The following TBC1D31 variants were observed in gnomAD, a reference collection of about 807,000 sequenced individuals.
TBC1D31 encodes the protein WD repeat domain 67.
A neutral mutation model predicts 132.9 loss-of-function variants in TBC1D31; 99 were observed. The ratio of observed to expected loss-of-function variants is 0.74; its 90% CI spans 0.63 to 0.88. TBC1D31 has a LOEUF of 0.88. Ranked by LOEUF, TBC1D31 falls within the 40% of genes least tolerant of loss-of-function variation. The probability of loss-of-function intolerance (pLI) is 0.00; values close to 1 mark genes in which losing one functional copy is unlikely to be tolerated. For synonymous variants in TBC1D31, 385 were observed against 419.4 expected, an observed-to-expected ratio of 0.92 and a Z score of 1.00; for missense variants, 1,134 against 1,256.6, an observed-to-expected ratio of 0.90 and a Z score of 1.48.
At chr8:123,086,230 T>C (rs1815729901) in intron 4 of TBC1D31, among the ~76,000 whole-genome samples, 1 of 152,100 alleles carries the variant, frequency 6.6e-6, no homozygotes. Context: ...CTTCCCATTC[T>C]CTCCACCTAG....
At chr8:123,105,713 GAGAA>G in intron 8 of TBC1D31, among the ~76,000 whole-genome samples, 1 of 152,232 alleles carries the variant, frequency 6.6e-6, no homozygotes, top group Middle Eastern at 3.4e-3. Context: ...TGGCAGCTTT[GAGAA>G]AGAAAGAAAA....
At chr8:123,092,824 T>A (rs1816467146) in intron 4 of TBC1D31, among the ~76,000 whole-genome samples, 1 of 147,428 alleles carries the variant, frequency 6.8e-6, no homozygotes, top group South Asian at 2.2e-4. Flanking sequence ...TTTTTTTTTT[T>A]TTTTTGAGAC....
chr8:123,157,531 G>C, the TBC1D31 span, among the ~76,000 whole-genome samples: 1 of 152,180 alleles, frequency 6.6e-6, no homozygotes, highest in South Asian at 2.1e-4. Flanking sequence ...TCCTCCTATT[G>C]TTGTGAACCG....
intron 8 of TBC1D31, among the ~76,000 whole-genome samples, chr8:123,107,952 A>G (rs1442529862): frequency 6.6e-6 from 1 of 152,182 alleles, no homozygotes; most frequent in Non-Finnish European, 1.5e-5. Context: ...TCTTTGTTTA[A>G]AAAGAAGCTT....
In TBC1D31 at chr8:123,076,975, T is replaced by A. The variant is rs1453656753; in HGVS notation, c.78-136T>A. ...TTTCTGAAATCCTGGTAAGATTGAT[T>A]CTAGAGGAGCGGGGGTATAGCGGTA... is the stretch of plus-strand genomic sequence containing the variant. On this transcript the variant is annotated intron_variant, in intron 1 of 21. Coordinates refer to ENST00000287380, the MANE Select transcript of TBC1D31 (RefSeq NM_145647.4). 14 of 725,314 alleles carry A rather than the reference T, an allele frequency of 1.9e-5. No individual in the cohort carries two copies. In the East Asian group the frequency reaches 4.1e-4, roughly 21 times the overall value. 44.9% of individuals were successfully genotyped at this position (725,314 alleles called of 1,614,324 possible).
intron 17 of TBC1D31, among the ~76,000 whole-genome samples, chr8:123,135,196 G>T (rs994699262): frequency 6.6e-6 from 1 of 152,136 alleles, no homozygotes; most frequent in Non-Finnish European, 1.5e-5. Flanking sequence ...CACCACGCCT[G>T]GCCTGTAAAG....
intron 18 of TBC1D31, among the ~76,000 whole-genome samples, chr8:123,141,904 A>G (rs1263769648): frequency 8.8e-6 from 1 of 114,018 alleles, no homozygotes; most frequent in East Asian, 2.8e-4. Flanking sequence ...TCTGTTACCC[A>G]GGCTGGAGTG....
intron 2 of TBC1D31, among the ~76,000 whole-genome samples, chr8:123,080,269 G>A (rs767733302): frequency 6.6e-6 from 1 of 152,160 alleles, no homozygotes; most frequent in Non-Finnish European, 1.5e-5. Flanking sequence ...CATTTTTAGA[G>A]AAGTGACAAG....
intron 8 of TBC1D31, 46 bp from the exon 9 acceptor site, chr8:123,109,271 G>A (rs1818236868): frequency 1.4e-6 from 2 of 1,397,662 alleles, no homozygotes; most frequent in African/African-American, 1.4e-5. Flanking sequence ...CACCTTTTCA[G>A]TTTTAATGAT....
chr8:123,121,200 C>T lies in TBC1D31; in HGVS notation c.1570+1012C>T, dbSNP rs59973603. ...CTCGAACTCCTGACCCCAAGTGATC[C>T]GCCCACCTCGGCCTCCCAAAGTGCT... On this transcript the variant is annotated intron_variant, in intron 11 of 21. Coordinates refer to ENST00000287380, the MANE Select transcript of TBC1D31 (RefSeq NM_145647.4). 0.022 allele frequency among the ~76,000 whole-genome samples: 3,303 copies of T among 152,156 alleles called. 339 individuals are homozygous for T. In the East Asian group the frequency reaches 0.34, roughly 16 times the overall value.
intron 20 of TBC1D31, among the ~76,000 whole-genome samples, chr8:123,147,219 C>G (rs1365800455): frequency 6.6e-6 from 1 of 150,544 alleles, no homozygotes; most frequent in African/African-American, 2.4e-5. Flanking sequence ...TGTCGCCAGG[C>G]TGGAGTGCAG....
chr8:123,092,808 ATTTT>A (rs71573666), intron 4 of TBC1D31, among the ~76,000 whole-genome samples: 4 of 103,554 alleles, frequency 3.9e-5, no homozygotes, highest in South Asian at 6.1e-4. Flanking sequence ...CACCCGGCTA[ATTTT>A]TTTTTTTTTT....
At chr8:123,114,061 T>G (rs1436770157) in intron 10 of TBC1D31, among the ~76,000 whole-genome samples, 1 of 152,136 alleles carries the variant, frequency 6.6e-6, no homozygotes, top group Non-Finnish European at 1.5e-5. Flanking sequence ...AAGAAAATCA[T>G]CCCTCCCCCA....
At chr8:123,117,494 C>T (rs1449775643) in intron 10 of TBC1D31, among the ~76,000 whole-genome samples, 2 of 152,038 alleles carry the variant, frequency 1.3e-5, no homozygotes, top group African/African-American at 2.4e-5. Context: ...GTGGCTCACG[C>T]CTGTAATCCC....
chr8:123,094,961 A>G (rs1018224009), intron 5 of TBC1D31, among the ~76,000 whole-genome samples: 1 of 152,238 alleles, frequency 6.6e-6, no homozygotes, highest in Non-Finnish European at 1.5e-5. Flanking sequence ...TTTGAATAAG[A>G]AGCAAAACAA....
chr8:123,072,926 T>C (rs1442406103), intron 1 of TBC1D31, 80 bp downstream of exon 1: 2 of 1,412,390 alleles, frequency 1.4e-6, no homozygotes, highest in African/African-American at 2.8e-5. Flanking sequence ...TCAGGCAGCG[T>C]TCCGGGTTCT....
At chr8:123,101,418 T>C (rs1441454465) in intron 7 of TBC1D31, among the ~76,000 whole-genome samples, 2 of 152,176 alleles carry the variant, frequency 1.3e-5, no homozygotes, top group African/African-American at 4.8e-5. Context: ...TTTTTGTTTT[T>C]GTTTTTGTTT....
the TBC1D31 span, among the ~76,000 whole-genome samples, chr8:123,162,050 A>G: frequency 1.3e-5 from 2 of 150,772 alleles, no homozygotes; most frequent in Non-Finnish European, 3.0e-5. Flanking sequence ...GTACCCAATG[A>G]CATCTATATA....
chr8:123,095,686 A>G (rs187009400), intron 5 of TBC1D31, among the ~76,000 whole-genome samples: 14 of 152,292 alleles, frequency 9.2e-5, no homozygotes, highest in African/African-American at 3.4e-4. Flanking sequence ...CTACAACTCC[A>G]GTTGCCTGTG....
Sources: gnomAD v4.1 joint callset for allele counts (sites outside exome capture counted in the v4.1 genomes callset) on GRCh38, gnomAD v4.1.1 for gene constraint, MANE v1.5 for transcripts, NCBI Gene and HGNC (gene_info 2026-07-23, HGNC 2026-07-21) for gene names.